Variants in ATG5 observed in about 807,000 individuals in gnomAD.
ATG5 encodes autophagy protein 5.
In ATG5, 14 loss-of-function variants were observed where a neutral mutation model predicts 36.5. The observed-to-expected ratio is 0.38, with a 90% CI of 0.25 to 0.60. The LOEUF (loss-of-function observed/expected upper bound fraction) is 0.60, where lower values mean the gene tolerates loss of function less well. Among genes scored for constraint, ATG5 ranks in the 20% least tolerant of loss-of-function variants. The pLI is 0.60. For synonymous variants in ATG5, 95 were observed against 101.5 expected, an observed-to-expected ratio of 0.94 and a Z score of 0.38; for missense variants, 195 against 326.7, an observed-to-expected ratio of 0.60 and a Z score of 3.11.
chr6:106,321,362 C>CT (rs1212329735), intron 1 of ATG5, among the ~76,000 whole-genome samples: 3,445 of 140,328 alleles, frequency 0.025, 108 homozygotes, highest in African/African-American at 0.072. Context: ...TGGGTCAACT[C>CT]TTTTTTTTTT....
At chr6:106,192,299 A>T (rs1459749330) in intron 7 of ATG5, among the ~76,000 whole-genome samples, 1 of 152,010 alleles carries the variant, frequency 6.6e-6, no homozygotes, top group Non-Finnish European at 1.5e-5. Flanking sequence ...TTTTAAGTAT[A>T]TCATTTGAGA....
Position 106,189,918 on chromosome 6 carries a change from T to C in ATG5, c.692-3242A>G, listed in dbSNP as rs372285770. On this transcript the variant is annotated intron_variant, in intron 7 of 7. Transcript: ENST00000369076. ...TGAGAAAAATCAAGTGAACTAGTTC[T>C]ATATGAACTTCTTTATATAGGGCAC... Among the ~76,000 whole-genome samples the C allele has an allele frequency of 7.9e-5, 12 of 152,296 alleles. No homozygotes were observed. The East Asian group carries it at 1.3e-3, about 17-fold the overall frequency.
At chr6:106,255,848 T>C (rs760476449) in intron 5 of ATG5, among the ~76,000 whole-genome samples, 1 of 152,322 alleles carries the variant, frequency 6.6e-6, no homozygotes, top group Non-Finnish European at 1.5e-5. Context: ...AGCACAGTGG[T>C]AGGCCAGGAC....
chr6:106,307,605 T>C (rs1175305070), intron 3 of ATG5, among the ~76,000 whole-genome samples: 2 of 149,226 alleles, frequency 1.3e-5, no homozygotes, highest in Non-Finnish European at 3.0e-5. Context: ...AATGTTGTGA[T>C]AGCTCACCGC....
chr6:106,260,190 T>C (rs1037034924), intron 5 of ATG5, among the ~76,000 whole-genome samples: 1 of 152,176 alleles, frequency 6.6e-6, no homozygotes, highest in African/African-American at 2.4e-5. Context: ...CAAACCAACA[T>C]GGCACATGTA....
Position 106,201,211 on chromosome 6 carries a change from T to C in ATG5, c.691+761A>G, listed in dbSNP as rs1181438903. Among the ~76,000 whole-genome samples the C allele has an allele frequency of 2.0e-5, 3 of 152,142 alleles. No individual in the cohort carries two copies. In the East Asian group the frequency reaches 5.8e-4, roughly 29 times the overall value. ...TGCTGTGGGCATGATGGGGAGCCCA[T>C]GGATATGAAGGGCCAATGTGTATGT... On this transcript the variant is annotated intron_variant, in intron 7 of 7. Coordinates refer to ENST00000369076, the MANE Select transcript of ATG5 (RefSeq NM_004849.4).
At chr6:106,248,934 G>A (rs546575361) in intron 5 of ATG5, among the ~76,000 whole-genome samples, 62 of 151,990 alleles carry the variant, frequency 4.1e-4, no homozygotes, top group African/African-American at 1.2e-3. Context: ...GCGAAACTCC[G>A]TCTCAAAAAT....
intron 5 of ATG5, among the ~76,000 whole-genome samples, chr6:106,250,447 TTTAA>T (rs2114520142): frequency 1.3e-5 from 2 of 152,282 alleles, no homozygotes; most frequent in African/African-American, 4.8e-5. Context: ...TTATTATATG[TTTAA>T]TTAATAACCA....
chr6:106,302,283 A>C (rs1362732764), intron 3 of ATG5, among the ~76,000 whole-genome samples: 5 of 152,116 alleles, frequency 3.3e-5, no homozygotes, highest in Admixed American at 6.6e-5. Flanking sequence ...TCCCACATTC[A>C]TTAAAACAAG....
chr6:106,208,488 T>C (rs896135560), intron 6 of ATG5, among the ~76,000 whole-genome samples: 6 of 152,190 alleles, frequency 3.9e-5, no homozygotes, highest in African/African-American at 4.8e-5. Context: ...TCTTCAGTTG[T>C]TTGTAAGCTA....
chr6:106,256,980 T>C (rs1191231861), intron 5 of ATG5, among the ~76,000 whole-genome samples: 1 of 152,220 alleles, frequency 6.6e-6, no homozygotes, highest in Admixed American at 6.5e-5. Context: ...AACAAACACG[T>C]ACAGCCGCAT....
At chr6:106,220,578 A>G (rs1777207470) in intron 6 of ATG5, among the ~76,000 whole-genome samples, 1 of 152,198 alleles carries the variant, frequency 6.6e-6, no homozygotes. Flanking sequence ...ATAACCCTAT[A>G]TATTACCTAC....
chr6:106,316,774 T>C (rs989492654), intron 1 of ATG5, among the ~76,000 whole-genome samples: 1 of 152,224 alleles, frequency 6.6e-6, no homozygotes, highest in Admixed American at 6.5e-5. Flanking sequence ...AAAATCTTTC[T>C]ATAAACCCAT....
intron 5 of ATG5, among the ~76,000 whole-genome samples, chr6:106,258,645 T>C (rs939726558): frequency 6.6e-6 from 1 of 152,216 alleles, no homozygotes; most frequent in African/African-American, 2.4e-5. Flanking sequence ...ATCAGGCTAG[T>C]AGCTGCTAGT....
intron 1 of ATG5, among the ~76,000 whole-genome samples, chr6:106,323,158 C>T (rs565734979): frequency 5.9e-5 from 9 of 151,544 alleles, no homozygotes; most frequent in Non-Finnish European, 1.0e-4. Flanking sequence ...AGGATGGTCT[C>T]GGTCTCCTGA....
chr6:106,322,133 G>A (rs1771104538), intron 1 of ATG5, among the ~76,000 whole-genome samples: 1 of 151,982 alleles, frequency 6.6e-6, no homozygotes, highest in Non-Finnish European at 1.5e-5. Context: ...TCTACTAGAA[G>A]TAAGTTTCTT....
At chr6:106,323,958 C>CT (rs1771199206) in intron 1 of ATG5, among the ~76,000 whole-genome samples, 1 of 152,170 alleles carries the variant, frequency 6.6e-6, no homozygotes, top group Non-Finnish European at 1.5e-5. Flanking sequence ...TGCTTCAGGG[C>CT]TTCAGTGGCA....
intron 3 of ATG5, among the ~76,000 whole-genome samples, chr6:106,294,884 C>T (rs946761016): frequency 1.4e-5 from 2 of 147,274 alleles, no homozygotes; most frequent in African/African-American, 2.5e-5. Context: ...AACGCCCGGT[C>T]GGTAAAAATA....
intron 3 of ATG5, among the ~76,000 whole-genome samples, chr6:106,297,677 C>T (rs1453872993): frequency 6.7e-6 from 1 of 149,886 alleles, no homozygotes; most frequent in East Asian, 2.0e-4. Flanking sequence ...TACACTATTC[C>T]TTTATTCTAA....
Sources: allele counts gnomAD v4.1 joint callset (sites outside exome capture counted in the v4.1 genomes callset), GRCh38; gene constraint gnomAD v4.1.1; transcripts MANE v1.5; gene names NCBI Gene and HGNC (gene_info 2026-07-23, HGNC 2026-07-21).